The following PCDH15 variants were observed in gnomAD, a reference collection of about 807,000 sequenced individuals.
PCDH15 encodes the protein protocadherin-15.
A neutral mutation model predicts 178.5 loss-of-function variants in PCDH15; 129 were observed. The observed-to-expected ratio is 0.72, with a 90% CI of 0.63 to 0.84. The LOEUF is 0.84. PCDH15 is among the 40% of genes least tolerant of loss of function. The pLI is 0.00. For synonymous variants in PCDH15, 800 were observed against 732.0 expected, an observed-to-expected ratio of 1.09 and a Z score of -1.50; for missense variants, 2,230 against 2,099.9, an observed-to-expected ratio of 1.06 and a Z score of -1.21.
At chr10:54,425,485 A>G (rs1490525281) in intron 3 of PCDH15, among the ~76,000 whole-genome samples, 1 of 152,138 alleles carries the variant, frequency 6.6e-6, no homozygotes, top group African/African-American at 2.4e-5. Flanking sequence ...GTAGAAAATA[A>G]ATTCAGTTCT....
chr10:54,165,277 T>A (rs2046106186), intron 13 of PCDH15, among the ~76,000 whole-genome samples: 1 of 152,062 alleles, frequency 6.6e-6, no homozygotes, highest in African/African-American at 2.4e-5. Context: ...GTAGGGTAGG[T>A]GGCTGGCAAA....
intron 1 of PCDH15, among the ~76,000 whole-genome samples, chr10:55,211,984 A>G (rs1840583342): frequency 6.6e-6 from 1 of 152,076 alleles, no homozygotes; most frequent in African/African-American, 2.4e-5. Flanking sequence ...TTGAGCTGCA[A>G]ACCTAGACAA....
chr10:54,198,288 G>A (rs1591111293), intron 10 of PCDH15, among the ~76,000 whole-genome samples: 1 of 152,006 alleles, frequency 6.6e-6, no homozygotes, highest in Admixed American at 6.6e-5. Context: ...AAGAGGTAGA[G>A]TCTACGCCTG....
chr10:54,775,527 G>T (rs1949593062), intron 1 of PCDH15, among the ~76,000 whole-genome samples: 1 of 152,038 alleles, frequency 6.6e-6, no homozygotes, highest in Non-Finnish European at 1.5e-5. Context: ...AGATATTATT[G>T]TTAACCATTG....
At chr10:55,073,470 A>G (rs888571356) in intron 2 of PCDH15, among the ~76,000 whole-genome samples, 17 of 152,198 alleles carry the variant, frequency 1.1e-4, no homozygotes, top group Admixed American at 7.2e-4. Context: ...ACAAACAGAG[A>G]GCCAAATCAT....
At chr10:54,921,739 A>G (rs546906952) in intron 2 of PCDH15, among the ~76,000 whole-genome samples, 57 of 152,128 alleles carry the variant, frequency 3.7e-4, no homozygotes, top group Non-Finnish European at 6.0e-4. Context: ...ACACTGTATT[A>G]GTCCACTCTA....
intron 8 of PCDH15, among the ~76,000 whole-genome samples, chr10:54,288,097 G>A (rs2059151092): frequency 2.0e-5 from 3 of 152,130 alleles, no homozygotes; most frequent in Non-Finnish European, 4.4e-5. Flanking sequence ...GCTGAGGCAG[G>A]TGGATCATGA....
chr10:54,917,213 T>C (rs868622241), intron 2 of PCDH15, among the ~76,000 whole-genome samples: 2 of 152,166 alleles, frequency 1.3e-5, no homozygotes, highest in African/African-American at 4.8e-5. Context: ...ATATTTTCTG[T>C]GTTTAGTAGA....
intron 1 of PCDH15, among the ~76,000 whole-genome samples, chr10:55,215,343 TGTAGTTAGCATTGGCAA>T (rs1840675569): frequency 6.6e-6 from 1 of 152,144 alleles, no homozygotes; most frequent in Admixed American, 6.5e-5. Context: ...TTAGGCCTGA[TGTAGTTAGCATTGGCAA>T]GTAGTTATGC....
intron 1 of PCDH15, among the ~76,000 whole-genome samples, chr10:54,716,659 G>A (rs1400778072): frequency 1.3e-5 from 2 of 151,732 alleles, no homozygotes; most frequent in Non-Finnish European, 2.9e-5. Flanking sequence ...GGAGATTTTG[G>A]GCTGAGTGAA....
upstream of PCDH15, among the ~76,000 whole-genome samples, chr10:55,321,454 T>C (rs1358769655): frequency 6.6e-6 from 1 of 152,140 alleles, no homozygotes; most frequent in Non-Finnish European, 1.5e-5. Flanking sequence ...CTGGAGAATT[T>C]ACCCAACCTC....
chr10:54,174,207 C>G (rs1445516986), intron 13 of PCDH15, among the ~76,000 whole-genome samples: 2 of 151,944 alleles, frequency 1.3e-5, no homozygotes, highest in African/African-American at 4.8e-5. Context: ...GGACATTTCA[C>G]AGGTTTAGGT....
At chr10:54,636,093 A>T (rs967875606) in intron 2 of PCDH15, among the ~76,000 whole-genome samples, 1 of 151,980 alleles carries the variant, frequency 6.6e-6, no homozygotes, top group Non-Finnish European at 1.5e-5. Context: ...GTAATACTAA[A>T]AACTGAATAC....
chr10:54,797,494 C>T (rs1952153452), intron 1 of PCDH15, among the ~76,000 whole-genome samples: 1 of 136,526 alleles, frequency 7.3e-6, no homozygotes, highest in Non-Finnish European at 1.5e-5. Context: ...TATTTTGTTG[C>T]TGTTATTGTT....
chr10:54,835,206 G>A (rs1429597309), intron 3 of PCDH15, among the ~76,000 whole-genome samples: 1 of 152,106 alleles, frequency 6.6e-6, no homozygotes, highest in East Asian at 1.9e-4. Context: ...GACTTCAGCA[G>A]GAGAAGGAAT....
At position 53,903,283 on chromosome 10, in the gene PCDH15, G is replaced by C; in HGVS notation, c.3461C>G (p.Ser1154Cys). The part of the protein sequence containing the change: ...FQKKFYIGGV[S>C]EDARMFTSVL... ...AGAAGTAAACATTCTTGCATCTTCAGATACACCTCCGATGTAGAATTTTTT... is the reference window on the plus strand; with the variant it reads ...AGAAGTAAACATTCTTGCATCTTCACATACACCTCCGATGTAGAATTTTTT... Residue 1154 changes from serine (S) to cysteine (C), a missense_variant, in exon 26 of 38, where the codon TCT becomes TGT. Transcript: ENST00000644397. 6.2e-7 allele frequency: 1 copy of C among 1,613,146 alleles called. No homozygotes were observed. The highest frequency in any genetic ancestry group is 8.5e-7 in the Non-Finnish European group (1 of 1,179,474).
intron 3 of PCDH15, among the ~76,000 whole-genome samples, chr10:54,476,289 G>A (rs768473424): frequency 6.6e-6 from 1 of 151,942 alleles, no homozygotes; most frequent in Non-Finnish European, 1.5e-5. Flanking sequence ...TGTTGCTGCT[G>A]TAGAAAGGAC....
At chr10:55,296,727 T>A (rs1335490373) in intron 1 of PCDH15, among the ~76,000 whole-genome samples, 4 of 152,172 alleles carry the variant, frequency 2.6e-5, no homozygotes, top group African/African-American at 7.2e-5. Flanking sequence ...ATTTATTTTT[T>A]TTAAACTTAG....
intron 16 of PCDH15, among the ~76,000 whole-genome samples, chr10:54,084,363 C>A (rs1052803980): frequency 3.3e-5 from 5 of 151,740 alleles, no homozygotes; most frequent in African/African-American, 1.2e-4. Flanking sequence ...GTCCCAGCTA[C>A]TTGAGAGGCT....
Sources: allele counts gnomAD v4.1 joint callset (sites outside exome capture counted in the v4.1 genomes callset), GRCh38; gene constraint gnomAD v4.1.1; transcripts MANE v1.5; gene names NCBI Gene and HGNC (gene_info 2026-07-23, HGNC 2026-07-21).